The following FHIT variants were observed in gnomAD, a reference collection of about 807,000 sequenced individuals.
The protein encoded by FHIT is bis(5'-adenosyl)-triphosphatase.
Under a neutral mutation model 17.9 loss-of-function variants are expected in FHIT, and 19 were observed. The ratio of observed to expected loss-of-function variants is 1.06; its 90% confidence interval spans 0.74 to 1.56. The LOEUF (loss-of-function observed/expected upper bound fraction) is 1.56. Ranked by LOEUF, FHIT falls within the 40% of genes most tolerant of loss-of-function variation. The probability of loss-of-function intolerance (pLI) is 0.00; values close to 1 mark genes in which losing one functional copy is unlikely to be tolerated. For missense variants in FHIT, 248 were observed against 189.2 expected (o/e 1.31, Z -1.82); for synonymous variants, 81 against 69.7 (o/e 1.16, Z -0.81).
chr3:61,199,297 T>C (rs1350594933), intron 2 of FHIT, among the ~76,000 whole-genome samples: 1 of 152,222 alleles, frequency 6.6e-6, no homozygotes, highest in African/African-American at 2.4e-5. Context: ...TTAAGATGGC[T>C]ACATCACCAC....
intron 5 of FHIT, among the ~76,000 whole-genome samples, chr3:60,077,727 C>CACACAT (rs1553677384): frequency 1.3e-5 from 1 of 76,308 alleles, no homozygotes; most frequent in South Asian, 3.7e-4. Flanking sequence ...CACACACACA[C>CACACAT]ACATATATAG....
intron 5 of FHIT, among the ~76,000 whole-genome samples, chr3:60,159,975 G>A (rs578101762): frequency 6.6e-6 from 1 of 152,268 alleles, no homozygotes; most frequent in African/African-American, 2.4e-5. Flanking sequence ...TACAAACAAG[G>A]CAGTAAAAAT....
At chr3:60,734,182 T>C (rs2042088826) in intron 4 of FHIT, among the ~76,000 whole-genome samples, 1 of 152,074 alleles carries the variant, frequency 6.6e-6, no homozygotes, top group South Asian at 2.1e-4. Flanking sequence ...CATTAAGTGA[T>C]CACAACGTTC....
chr3:59,955,557 T>C (rs145513273), intron 7 of FHIT, among the ~76,000 whole-genome samples: 1 of 152,278 alleles, frequency 6.6e-6, no homozygotes, highest in East Asian at 1.9e-4. Context: ...CAGACTCAAA[T>C]ATCAAACTAC....
intron 5 of FHIT, among the ~76,000 whole-genome samples, chr3:60,218,109 A>G (rs559379974): frequency 5.8e-4 from 88 of 152,268 alleles, no homozygotes; most frequent in Non-Finnish European, 1.1e-3. Flanking sequence ...TAATATGGCA[A>G]ATATCAATAG....
At chr3:60,561,938 AAGAG>A (rs994524843) in intron 4 of FHIT, among the ~76,000 whole-genome samples, 74 of 146,484 alleles carry the variant, frequency 5.1e-4, no homozygotes, top group Admixed American at 1.1e-3. Flanking sequence ...GAAAAAGAGA[AAGAG>A]AGAAACAGAG....
intron 5 of FHIT, among the ~76,000 whole-genome samples, chr3:60,450,499 G>C (rs1438653860): frequency 1.3e-5 from 2 of 152,082 alleles, no homozygotes; most frequent in Non-Finnish European, 2.9e-5. Flanking sequence ...AGAATAAACA[G>C]AAAAAGTCCA....
chr3:60,686,892 G>A (rs2040873090), intron 4 of FHIT, among the ~76,000 whole-genome samples: 1 of 152,296 alleles, frequency 6.6e-6, no homozygotes, highest in South Asian at 2.1e-4. Context: ...ACTTCCAGGT[G>A]TCTTCAACCC....
At chr3:59,926,099 A>G (rs1252089522) in intron 7 of FHIT, among the ~76,000 whole-genome samples, 6 of 152,220 alleles carry the variant, frequency 3.9e-5, no homozygotes, top group Non-Finnish European at 7.3e-5. Flanking sequence ...ATCTTTTTAA[A>G]GTCCCATGAC....
chr3:60,249,287 T>TA (rs1451349762), intron 5 of FHIT, among the ~76,000 whole-genome samples: 1 of 152,136 alleles, frequency 6.6e-6, no homozygotes, highest in Non-Finnish European at 1.5e-5. Flanking sequence ...GAACTATTAC[T>TA]AAAAAATCTG....
intron 3 of FHIT, among the ~76,000 whole-genome samples, chr3:60,905,399 C>A (rs1296859447): frequency 1.3e-5 from 2 of 152,174 alleles, no homozygotes; most frequent in Admixed American, 1.3e-4. Context: ...CATTAGTTAA[C>A]AAACTATGTG....
chr3:59,937,359 A>T (rs1706292381), intron 7 of FHIT, among the ~76,000 whole-genome samples: 1 of 152,190 alleles, frequency 6.6e-6, no homozygotes, highest in Non-Finnish European at 1.5e-5. Flanking sequence ...AGATACAGAT[A>T]GTCAGCCTCT....
At position 59,951,440 on chromosome 3, in the gene FHIT, G is replaced by A. The variant is rs533396556; in HGVS notation, c.280-29026C>T. 3.3e-5 allele frequency among the ~76,000 whole-genome samples: 5 copies of A among 152,286 alleles called. No homozygotes were observed. The East Asian group carries it at 9.6e-4, about 29-fold the overall frequency. ...AAAAAAATAAGTTGGAGGTAAAATG[G>A]GGTATAAAACTATCTTCTAGCACTT... On this transcript the variant is annotated intron_variant, in intron 7 of 9. Coordinates refer to ENST00000492590, the MANE Select transcript of FHIT (RefSeq NM_002012.4).
chr3:60,299,273 T>G (rs1708347317), intron 5 of FHIT, among the ~76,000 whole-genome samples: 1 of 152,186 alleles, frequency 6.6e-6, no homozygotes, highest in African/African-American at 2.4e-5. Context: ...TGTATACTTC[T>G]CTTTATACAT....
intron 5 of FHIT, among the ~76,000 whole-genome samples, chr3:60,428,721 C>A (rs780390436): frequency 3.3e-5 from 5 of 152,008 alleles, no homozygotes; most frequent in African/African-American, 7.2e-5. Context: ...AGCAATGATG[C>A]CCCAGCAGGC....
chr3:60,082,925 G>GTT (rs1703351690), intron 5 of FHIT, among the ~76,000 whole-genome samples: 1 of 152,110 alleles, frequency 6.6e-6, no homozygotes, highest in Non-Finnish European at 1.5e-5. Flanking sequence ...TAGGTTGTCT[G>GTT]TTTCTCTGTT....
intron 4 of FHIT, among the ~76,000 whole-genome samples, chr3:60,778,014 G>A (rs1454482625): frequency 1.3e-5 from 2 of 152,114 alleles, no homozygotes; most frequent in Admixed American, 6.5e-5. Context: ...GAGGGCCCCC[G>A]ATGTGTCCAG....
Position 60,314,853 on chromosome 3 carries a change from T to C in FHIT, c.103+222007A>G, listed in dbSNP as rs527358363. ...TAATCCCAGCACTTTAGGAGGCCAA[T>C]GCAGCAGGATCACTCGAGTCCCAAG... On this transcript the variant is annotated intron_variant, in intron 5 of 9. Coordinates refer to ENST00000492590, the MANE Select transcript of FHIT (RefSeq NM_002012.4). Among the ~76,000 whole-genome samples, 283 of 152,204 alleles carry C rather than the reference T, an allele frequency of 1.9e-3. 1 individual carries two copies. Among genetic ancestry groups the C allele is most frequent in the African/African-American group, 6.6e-3 (276 of 41,526 alleles).
intron 5 of FHIT, among the ~76,000 whole-genome samples, chr3:60,087,975 T>C (rs866364400): frequency 3.9e-5 from 6 of 152,222 alleles, no homozygotes; most frequent in South Asian, 2.1e-4. Context: ...AAAGGATTTA[T>C]GTGGATCACA....
Sources: allele counts gnomAD v4.1 joint callset (sites outside exome capture counted in the v4.1 genomes callset), GRCh38; gene constraint gnomAD v4.1.1; transcripts MANE v1.5; gene names NCBI Gene and HGNC (gene_info 2026-07-23, HGNC 2026-07-21).